PXDNL: variants seen among roughly 807,000 people sequenced by gnomAD.
PXDNL encodes peroxidasin like.
Under a neutral mutation model 150.8 loss-of-function variants are expected in PXDNL, and 145 were observed. That is an observed-to-expected ratio of 0.96 (90% CI 0.84 to 1.10). The LOEUF is 1.10. Ranked by LOEUF, PXDNL falls within the 50% of genes least tolerant of loss-of-function variation. The pLI is 0.00. For synonymous variants in PXDNL, 757 were observed against 725.7 expected, an observed-to-expected ratio of 1.04 and a Z score of -0.69; for missense variants, 2,087 against 1,873.9, an observed-to-expected ratio of 1.11 and a Z score of -2.10.
chr8:51,713,568 C>T (rs916782480), intron 1 of PXDNL, among the ~76,000 whole-genome samples: 1 of 152,140 alleles, frequency 6.6e-6, no homozygotes, highest in African/African-American at 2.4e-5. Context: ...AAGATAAAAC[C>T]ACAGGCCCAT....
At chr8:51,549,581 T>A (rs1812438664) in intron 4 of PXDNL, among the ~76,000 whole-genome samples, 2 of 152,136 alleles carry the variant, frequency 1.3e-5, no homozygotes, top group Admixed American at 1.3e-4. Context: ...CCCTGAATGA[T>A]CTTTGGGTCA....
chr8:51,451,332 A>G (rs1284209039), intron 10 of PXDNL, among the ~76,000 whole-genome samples: 1 of 152,208 alleles, frequency 6.6e-6, no homozygotes, highest in Non-Finnish European at 1.5e-5. Context: ...CACTAAAATG[A>G]GCAGCTTGCT....
chr8:51,598,122 C>T (rs1813614930), intron 2 of PXDNL, among the ~76,000 whole-genome samples: 2 of 152,092 alleles, frequency 1.3e-5, no homozygotes, highest in African/African-American at 4.8e-5. Context: ...GTTATCAGTT[C>T]CAGAAGGTTT....
chr8:51,619,762 T>C (rs1814202262), intron 2 of PXDNL, among the ~76,000 whole-genome samples: 1 of 152,202 alleles, frequency 6.6e-6, no homozygotes, highest in Non-Finnish European at 1.5e-5. Flanking sequence ...CTCTTTTCTT[T>C]ATAAATTGAC....
intron 4 of PXDNL, among the ~76,000 whole-genome samples, chr8:51,517,766 T>C (rs1811576419): frequency 6.6e-6 from 1 of 152,232 alleles, no homozygotes. Context: ...AATTGCAATC[T>C]AGTACATTGT....
intron 2 of PXDNL, among the ~76,000 whole-genome samples, chr8:51,600,774 T>C (rs939171570): frequency 2.2e-5 from 3 of 136,322 alleles, no homozygotes; most frequent in East Asian, 4.1e-4. Flanking sequence ...TTACATCTTA[T>C]ATAAATTATA....
At chr8:51,473,573 T>C (rs1810399641) in intron 7 of PXDNL, among the ~76,000 whole-genome samples, 1 of 152,004 alleles carries the variant, frequency 6.6e-6, no homozygotes. Flanking sequence ...TGGAGAACAC[T>C]GAGTTGGCTA....
rs780239113 is a variant in PXDNL, at chr8:51,329,316, A to G, written c.4147-8419T>C. On this transcript the variant is annotated intron_variant, in intron 21 of 22. Coordinates refer to ENST00000356297, the MANE Select transcript of PXDNL (RefSeq NM_144651.5). Reference sequence around the variant, plus strand: ...ATACATAAGAAAGGCCAAAGTCAGTAGGAAAAACAAAAACAAAGACACTGG... The same window carrying G: ...ATACATAAGAAAGGCCAAAGTCAGTGGGAAAAACAAAAACAAAGACACTGG... Among the ~76,000 whole-genome samples, 3 of 152,242 alleles carry G rather than the reference A, an allele frequency of 2.0e-5. No homozygotes were observed. The South Asian group carries it at 6.2e-4, about 32-fold the overall frequency.
intron 1 of PXDNL, among the ~76,000 whole-genome samples, chr8:51,790,158 C>T (rs1321195810): frequency 1.4e-5 from 2 of 144,382 alleles, no homozygotes; most frequent in African/African-American, 5.6e-5. Context: ...TAATTAGACA[C>T]AGGCCTGGGA....
chr8:51,724,115 T>A (rs867411429), intron 1 of PXDNL, among the ~76,000 whole-genome samples: 24 of 151,900 alleles, frequency 1.6e-4, no homozygotes, highest in African/African-American at 5.6e-4. Context: ...CAGTGACCCA[T>A]CTAAGACAGG....
chr8:51,366,145 A>C (rs190139523), intron 19 of PXDNL, among the ~76,000 whole-genome samples: 22 of 152,358 alleles, frequency 1.4e-4, no homozygotes, highest in Admixed American at 6.5e-4. Context: ...TGCTAAATTA[A>C]GCTTAGCCCA....
At chr8:51,642,239 G>T (rs1461098936) in intron 2 of PXDNL, among the ~76,000 whole-genome samples, 1 of 151,826 alleles carries the variant, frequency 6.6e-6, no homozygotes, top group African/African-American at 2.4e-5. Flanking sequence ...ATAGCATTAG[G>T]AGATATACCT....
At chr8:51,364,842 G>GGAGT (rs1806865918) in intron 19 of PXDNL, among the ~76,000 whole-genome samples, 1 of 152,194 alleles carries the variant, frequency 6.6e-6, no homozygotes. Context: ...CCCATGGTTT[G>GGAGT]GAGTAAATGA....
At chr8:51,372,477 C>T (rs894331511) in intron 18 of PXDNL, among the ~76,000 whole-genome samples, 1 of 152,170 alleles carries the variant, frequency 6.6e-6, no homozygotes, top group African/African-American at 2.4e-5. Context: ...CTCTACCTCC[C>T]GAGTTCACGC....
intron 21 of PXDNL, among the ~76,000 whole-genome samples, chr8:51,325,780 A>T (rs1805464728): frequency 6.6e-6 from 1 of 152,190 alleles, no homozygotes; most frequent in South Asian, 2.1e-4. Context: ...TTTCTCGGAC[A>T]GCAGCCTCAA....
In PXDNL at chr8:51,600,303, T is replaced by C. The variant is rs777285784; in HGVS notation, c.237-7605A>G. 4.8e-3 allele frequency among the ~76,000 whole-genome samples: 445 copies of C among 92,806 alleles called. 4 individuals carry two copies. Among genetic ancestry groups the C allele is most frequent in the Middle Eastern group, 0.032 (2 of 62 alleles). 60.9% of individuals were successfully genotyped at this position (92,806 alleles called of 152,430 possible). On this transcript the variant is annotated intron_variant, in intron 2 of 22. Transcript: ENST00000356297. ...AATAAATTATATCTTATATAAATTA[T>C]ATGGTTTAGATAATAAATTATATCT...
intron 1 of PXDNL, among the ~76,000 whole-genome samples, chr8:51,701,946 G>A (rs1190787149): frequency 6.6e-6 from 1 of 152,140 alleles, no homozygotes; most frequent in Non-Finnish European, 1.5e-5. Context: ...CCTGAAGCCT[G>A]AGCCCCATCC....
In PXDNL at chr8:51,576,198, C is replaced by T. The variant is rs1305796563; in HGVS notation, c.308+16429G>A. Among the ~76,000 whole-genome samples the T allele has an allele frequency of 3.7e-5, 4 of 109,364 alleles. No homozygotes were observed. In the South Asian group the frequency reaches 1.2e-3, roughly 33 times the overall value. The allele number at this position is 109,364 out of a possible 152,430, so 71.7% of individuals were successfully genotyped here. ...AACTCACATTATTAGAACACTGCTC[C>T]AAAAAAAAAAAAAAAACAAACAAAA... is the stretch of plus-strand genomic sequence containing the variant. On this transcript the variant is annotated intron_variant, in intron 3 of 22. Transcript: ENST00000356297.
At chr8:51,389,175 C>T (rs16916174) in intron 17 of PXDNL, among the ~76,000 whole-genome samples, 1,993 of 152,232 alleles carry the variant, frequency 0.013, 40 homozygotes, top group African/African-American at 0.045. Context: ...TGTCTGTATG[C>T]ACCAGGTCGT....
Sources: gnomAD v4.1 joint callset for allele counts (sites outside exome capture counted in the v4.1 genomes callset) on GRCh38, gnomAD v4.1.1 for gene constraint, MANE v1.5 for transcripts, NCBI Gene and HGNC (gene_info 2026-07-23, HGNC 2026-07-21) for gene names.